The following ASPH variants were observed in gnomAD, a reference collection of about 807,000 sequenced individuals.
ASPH encodes aspartate beta-hydroxylase.
A neutral mutation model predicts 118.4 loss-of-function variants in ASPH; 100 were observed. The observed-to-expected ratio is 0.84, with a 90% CI of 0.72 to 1.00. The LOEUF is 1.00. Ranked by LOEUF, ASPH falls within the 50% of genes least tolerant of loss-of-function variation. The probability of loss-of-function intolerance (pLI) is 0.00; values close to 1 mark genes in which losing one functional copy is unlikely to be tolerated. For missense variants in ASPH, 920 were observed against 919.5 expected, an observed-to-expected ratio of 1.00 and a Z score of -0.01; for synonymous variants, 315 against 325.6, an observed-to-expected ratio of 0.97 and a Z score of 0.35.
chr8:61,603,236 A>ATAATTTCT (rs1321980887), intron 14 of ASPH, among the ~76,000 whole-genome samples: 2 of 151,566 alleles, frequency 1.3e-5, no homozygotes, highest in Non-Finnish European at 2.9e-5. Context: ...GAAATTCACA[A>ATAATTTCT]TAATTTCTGA....
At chr8:61,641,078 ATT>A (rs1301808539) in intron 10 of ASPH, among the ~76,000 whole-genome samples, 3 of 152,198 alleles carry the variant, frequency 2.0e-5, no homozygotes, top group Non-Finnish European at 4.4e-5. Flanking sequence ...AATTAGATCT[ATT>A]TGTTTGAAAC....
At chr8:61,533,654 A>G (rs555115398) in intron 21 of ASPH, among the ~76,000 whole-genome samples, 4 of 152,166 alleles carry the variant, frequency 2.6e-5, no homozygotes, top group Non-Finnish European at 5.9e-5. Context: ...ATGTCAGCGT[A>G]GATAAGTCTA....
At chr8:61,518,868 A>G (rs1037658960) in intron 22 of ASPH, among the ~76,000 whole-genome samples, 1 of 152,204 alleles carries the variant, frequency 6.6e-6, no homozygotes, top group African/African-American at 2.4e-5. Context: ...TATAGGTCCC[A>G]TGGTGTTATT....
intron 3 of ASPH, among the ~76,000 whole-genome samples, chr8:61,666,638 GCTGT>G (rs1819760649): frequency 6.6e-6 from 1 of 152,096 alleles, no homozygotes; most frequent in Non-Finnish European, 1.5e-5. Flanking sequence ...GTCTTTCTAG[GCTGT>G]CTAATAAAAT....
chr8:61,528,722 T>C (rs887843983), intron 21 of ASPH, among the ~76,000 whole-genome samples: 1 of 152,206 alleles, frequency 6.6e-6, no homozygotes, highest in African/African-American at 2.4e-5. Flanking sequence ...AACATTGCCC[T>C]TCCTGCCCCT....
intron 5 of ASPH, among the ~76,000 whole-genome samples, chr8:61,650,744 C>T (rs1455600928): frequency 6.6e-6 from 1 of 152,200 alleles, no homozygotes; most frequent in Non-Finnish European, 1.5e-5. Context: ...CTGTGTCCCA[C>T]TTTCCTCCTC....
rs117884920 is a variant in ASPH, at chr8:61,565,582, T to C, written c.1300+1586A>G. On this transcript the variant is annotated intron_variant, in intron 17 of 24. Transcript: ENST00000379454. ...TGTAAGATGAAGTAGCAAGTGCTAATGTAGAAGCTGTAGCAAGTTTCCAGA... is the reference window on the plus strand; with the variant it reads ...TGTAAGATGAAGTAGCAAGTGCTAACGTAGAAGCTGTAGCAAGTTTCCAGA... Among the ~76,000 whole-genome samples the C allele has an allele frequency of 1.3e-3, 199 of 150,416 alleles. 1 individual carries two copies. The East Asian group carries it at 0.036, about 27-fold the overall frequency.
chr8:61,672,709 T>C (rs1823223839), intron 3 of ASPH, among the ~76,000 whole-genome samples: 1 of 152,202 alleles, frequency 6.6e-6, no homozygotes, highest in African/African-American at 2.4e-5. Context: ...AACTACTTAA[T>C]ATCTAACTCC....
rs1858609366 is a variant in ASPH at position 61,637,934 on chromosome 8, A to AC, written c.889+12_889+13insG. The AC allele has an allele frequency of 5.0e-6, 8 of 1,603,554 alleles. No homozygotes were observed. Among genetic ancestry groups the AC allele is most frequent in the Non-Finnish European group, 6.8e-6 (8 of 1,174,924 alleles). ...ATATGGAAGGTAAAACCACTTCCATAAATTTATCTTACCTTCTACAATTAC... is the reference window on the plus strand; with the variant it reads ...ATATGGAAGGTAAAACCACTTCCATACAATTTATCTTACCTTCTACAATTAC... On this transcript the variant is annotated intron_variant, in intron 12 of 24. Coordinates refer to ENST00000379454, the MANE Select transcript of ASPH (RefSeq NM_004318.4).
At chr8:61,521,854 T>A (rs1813165450) in intron 22 of ASPH, among the ~76,000 whole-genome samples, 1 of 152,228 alleles carries the variant, frequency 6.6e-6, no homozygotes, top group African/African-American at 2.4e-5. Flanking sequence ...CTGGGTTGTA[T>A]CTTTTATAAA....
Position 61,676,393 on chromosome 8 carries a change from T to A in ASPH, c.322+4575A>T, listed in dbSNP as rs1825396779. 2.9e-6 allele frequency: 4 copies of A among 1,390,578 alleles called. No individual in the cohort carries two copies. The African/African-American group carries it at 5.8e-5, about 20-fold the overall frequency. The allele number at this position is 1,390,578 out of a possible 1,614,324, so 86.1% of individuals were successfully genotyped here. A position where few individuals can be genotyped will look rare whatever the true frequency, so the allele number is the denominator to read the frequency against. Reference sequence around the variant, plus strand: ...GTGGAAAAAAGAAGTGGAGGAAGGGTGATCTCAAAAGCGAGGTGCATCAAG... The same window carrying A: ...GTGGAAAAAAGAAGTGGAGGAAGGGAGATCTCAAAAGCGAGGTGCATCAAG... On this transcript the variant is annotated intron_variant, in intron 3 of 24. Coordinates refer to ENST00000379454, the MANE Select transcript of ASPH (RefSeq NM_004318.4).
intron 1 of ASPH, among the ~76,000 whole-genome samples, chr8:61,702,768 G>A (rs1015181933): frequency 3.3e-5 from 5 of 152,110 alleles, no homozygotes; most frequent in African/African-American, 9.7e-5. Flanking sequence ...AAACCACCAC[G>A]CTGGATTCTT....
intron 21 of ASPH, among the ~76,000 whole-genome samples, chr8:61,539,662 G>A (rs1820986174): frequency 7.0e-6 from 1 of 142,640 alleles, no homozygotes; most frequent in Non-Finnish European, 1.5e-5. Context: ...GTTAACAACC[G>A]CCTGACCATC....
chr8:61,517,302 C>T, intron 24 of ASPH: 1 of 533,168 alleles, frequency 1.9e-6, no homozygotes, highest in Non-Finnish European at 3.2e-6. Context: ...GATAAGTACT[C>T]TGCCGAGAAA....
chr8:61,572,751 AT>A (rs1281481422), intron 16 of ASPH, among the ~76,000 whole-genome samples: 1 of 151,864 alleles, frequency 6.6e-6, no homozygotes, highest in African/African-American at 2.4e-5. Flanking sequence ...TCCATAATCC[AT>A]TTTCCACTCA....
In ASPH at chr8:61,540,909, A is replaced by G. The variant is rs903454149; in HGVS notation, c.1764+7162T>C. On this transcript the variant is annotated intron_variant, in intron 21 of 24. Transcript: ENST00000379454. ...GGAGTTCTAAACCAGCCTGGGCATC[A>G]TGGTGAAACGCCATCTTTATAATTT... is the stretch of plus-strand genomic sequence containing the variant. Among the ~76,000 whole-genome samples the G allele has an allele frequency of 5.9e-5, 9 of 152,124 alleles. No individual in the cohort carries two copies. In the East Asian group the frequency reaches 1.7e-3, roughly 29 times the overall value.
rs377246224 is a variant in ASPH, at chr8:61,517,503, A to G, written c.2126+25T>C. ...ACTCTCATCCTCTGAGGTGACGGAT[A>G]TGACGGATAACAGAGGACCCATACT... is the stretch of plus-strand genomic sequence containing the variant. On this transcript the variant is annotated intron_variant, in intron 24 of 24. Transcript: ENST00000379454. The G allele has an allele frequency of 1.1e-5, 18 of 1,610,636 alleles. No homozygotes were observed. In the African/African-American group the frequency reaches 2.0e-4, roughly 18 times the overall value.
At chr8:61,675,858 G>A (rs1476995674) in intron 3 of ASPH, 1 of 1,360,628 alleles carries the variant, frequency 7.3e-7, no homozygotes, top group East Asian at 2.6e-5. Flanking sequence ...CTGACTACAA[G>A]AATGAGGAGT....
At chr8:61,676,441 G>A in intron 3 of ASPH, 4 of 889,626 alleles carry the variant, frequency 4.5e-6, no homozygotes, top group Middle Eastern at 6.8e-4. Flanking sequence ...TACAGAAACG[G>A]TATTTGGAAA....
Sources: allele counts gnomAD v4.1 joint callset (sites outside exome capture counted in the v4.1 genomes callset), GRCh38; gene constraint gnomAD v4.1.1; transcripts MANE v1.5; gene names NCBI Gene and HGNC (gene_info 2026-07-23, HGNC 2026-07-21).